The following SLC15A5 variants were observed in gnomAD, a reference collection of about 807,000 sequenced individuals.
SLC15A5 encodes the protein Peptide/histidine transporter ENSP00000340402.
A neutral mutation model predicts 56.1 loss-of-function variants in SLC15A5; 58 were observed. The ratio of observed to expected loss-of-function variants is 1.03; its 90% CI spans 0.84 to 1.29. The LOEUF is 1.29. Ranked by LOEUF, SLC15A5 falls within the 50% of genes most tolerant of loss-of-function variation. The probability of loss-of-function intolerance (pLI) is 0.00; values close to 1 mark genes in which losing one functional copy is unlikely to be tolerated. For missense variants in SLC15A5, 681 were observed against 672.1 expected (o/e 1.01, Z -0.15); for synonymous variants, 264 against 250.5 (o/e 1.05, Z -0.51).
At chr12:16,257,634 A>T in intron 3 of SLC15A5, 67 bp downstream of exon 3, 1 of 1,213,108 alleles carries the variant, frequency 8.2e-7, no homozygotes, top group Non-Finnish European at 1.1e-6. Flanking sequence ...AAAGAATCAA[A>T]GAGAAAGGAT....
intron 7 of SLC15A5, among the ~76,000 whole-genome samples, chr12:16,214,821 G>C (rs1378920082): frequency 6.6e-6 from 1 of 152,066 alleles, no homozygotes; most frequent in Non-Finnish European, 1.5e-5. Context: ...ATACCTGAGG[G>C]AGTCTGTGGG....
At chr12:16,264,476 G>A (rs1374377664) in intron 2 of SLC15A5, among the ~76,000 whole-genome samples, 2 of 152,190 alleles carry the variant, frequency 1.3e-5, no homozygotes, top group South Asian at 2.1e-4. Flanking sequence ...TTGGACTGTG[G>A]ACTTTTGAGT....
At chr12:16,268,605 CTCTT>C (rs1435262999) in intron 2 of SLC15A5, among the ~76,000 whole-genome samples, 5 of 152,006 alleles carry the variant, frequency 3.3e-5, no homozygotes, top group Non-Finnish European at 7.4e-5. Context: ...TTTTTTCTCT[CTCTT>C]TTCAGAATTA....
chr12:16,269,033 C>T lies in SLC15A5; in HGVS notation c.584+3528G>A, dbSNP rs1464120723. On this transcript the variant is annotated intron_variant, in intron 2 of 8. Transcript: ENST00000344941. This position sits in a 1 kb window ranked among gnomAD's most constrained non-coding sequence, Gnocchi z 4.7. ...CTTTGCCCCTTCCACTATGTGAAGA[C>T]ACAGTGAGAAGCCAGCAGTCTTACA... Among the ~76,000 whole-genome samples, 1 of 151,542 alleles carries T rather than the reference C, an allele frequency of 6.6e-6. No individual in the cohort carries two copies. Among genetic ancestry groups the T allele is most frequent in the Non-Finnish European group, 1.5e-5 (1 of 67,936 alleles).
rs766458422 is a variant in SLC15A5, at chr12:16,193,780, G to GGA, written c.1592+563_1592+564dup. The stretch of plus-strand genomic sequence containing the variant: ...ACAGCTGTCCAAGAATATGTCAAGG[G>GGA]GAGAGAGAGAGAGAGAGAGAGAGAG... On this transcript the variant is annotated intron_variant, in intron 8 of 8. Transcript: ENST00000344941. 8.7e-4 allele frequency among the ~76,000 whole-genome samples: 66 copies of GGA among 75,732 alleles called. 7 individuals carry two copies. The highest frequency in any genetic ancestry group is 1.1e-3 in the Non-Finnish European group (42 of 37,918). The allele number at this position is 75,732 out of a possible 152,430, so 49.7% of individuals were successfully genotyped here.
At chr12:16,248,210 C>A (rs531216604) in intron 3 of SLC15A5, among the ~76,000 whole-genome samples, 1 of 151,970 alleles carries the variant, frequency 6.6e-6, no homozygotes, top group African/African-American at 2.4e-5. Flanking sequence ...AGATGATAAC[C>A]AAGTCAATAT....
chr12:16,256,137 C>G (rs1327514973), intron 3 of SLC15A5, among the ~76,000 whole-genome samples: 2 of 152,096 alleles, frequency 1.3e-5, no homozygotes, highest in Non-Finnish European at 2.9e-5. Flanking sequence ...TGTTGAAATT[C>G]AACTCAATAA....
At position 16,257,881 on chromosome 12, in the gene SLC15A5, C is replaced by CA; in HGVS notation, c.585-12dup. ...ATGAGCCAATAAAACCTGGGGTATA[C>CA]AGACAGACAAAAATAAAAATACCAT... On this transcript the variant is annotated splice_polypyrimidine_tract_variant and intron_variant, in intron 2 of 8. Transcript: ENST00000344941. 7.1e-7 allele frequency: 1 copy of CA among 1,407,856 alleles called. No homozygotes were observed. The highest frequency in any genetic ancestry group is 2.8e-5 in the East Asian group (1 of 36,236). The allele number at this position is 1,407,856 out of a possible 1,614,324, so 87.2% of individuals were successfully genotyped here. A position where few individuals can be genotyped will look rare whatever the true frequency, so the allele number is the denominator to read the frequency against.
chr12:16,243,046 A>T lies in SLC15A5; in HGVS notation c.975+1534T>A, dbSNP rs1591653185. Among the ~76,000 whole-genome samples the T allele has an allele frequency of 6.6e-6, 1 of 152,188 alleles. No homozygotes were observed. The highest frequency in any genetic ancestry group is 1.5e-5 in the Non-Finnish European group (1 of 68,032). ...CAAGAAATTTTCTGTAAAGGGCCAGATAGTAAATATGTCCACATATGGGTT... is the reference window on the plus strand; with the variant it reads ...CAAGAAATTTTCTGTAAAGGGCCAGTTAGTAAATATGTCCACATATGGGTT... On this transcript the variant is annotated intron_variant, in intron 4 of 8. Transcript: ENST00000344941. This position sits in a 1 kb window ranked among gnomAD's most constrained non-coding sequence, Gnocchi z 4.4.
At chr12:16,256,315 T>C (rs1864571276) in intron 3 of SLC15A5, among the ~76,000 whole-genome samples, 1 of 152,146 alleles carries the variant, frequency 6.6e-6, no homozygotes, top group Non-Finnish European at 1.5e-5. Context: ...CAATCCTCAA[T>C]AAAATATTGG....
chr12:16,263,844 G>A (rs1407415839), intron 2 of SLC15A5, among the ~76,000 whole-genome samples: 1 of 152,206 alleles, frequency 6.6e-6, no homozygotes, highest in African/African-American at 2.4e-5. Context: ...TGGGTGCACA[G>A]AGGTCAAGAA....
chr12:16,206,972 T>A (rs1864025717), intron 7 of SLC15A5, among the ~76,000 whole-genome samples: 2 of 152,198 alleles, frequency 1.3e-5, no homozygotes, highest in Admixed American at 1.3e-4. Flanking sequence ...GTTCTCATGA[T>A]GATTTCAATG....
Position 16,272,743 on chromosome 12 carries a change from A to G in SLC15A5, c.402T>C (p.Asp134=). Reference sequence around the variant, plus strand: ...CTGCATGGTAAGTGCCCAGATAGAAATCTTCCAAGGGAAAAGCCACCACAG... The same window carrying G: ...CTGCATGGTAAGTGCCCAGATAGAAGTCTTCCAAGGGAAAAGCCACCACAG... ...LLSVVAFPLE[D]FYLGTYHAVN... is the part of the protein sequence containing the mutation. Residue 134 remains aspartate (D), a synonymous_variant, in exon 2 of 9, where the codon GAT becomes GAC. Transcript: ENST00000344941. The G allele has an allele frequency of 2.6e-6, 4 of 1,537,226 alleles. No homozygotes were observed. In the South Asian group the frequency reaches 3.6e-5, roughly 14 times the overall value.
chr12:16,255,287 A>G (rs976587945), intron 3 of SLC15A5, among the ~76,000 whole-genome samples: 1 of 152,136 alleles, frequency 6.6e-6, no homozygotes, highest in Non-Finnish European at 1.5e-5. Flanking sequence ...AACTAGAAAC[A>G]TGAACAGGTA....
chr12:16,212,771 A>C (rs1864095800), intron 7 of SLC15A5, among the ~76,000 whole-genome samples: 1 of 152,128 alleles, frequency 6.6e-6, no homozygotes, highest in Non-Finnish European at 1.5e-5. Context: ...AGATGACACA[A>C]AGCAAGTAAA....
intron 2 of SLC15A5, among the ~76,000 whole-genome samples, chr12:16,265,163 A>G (rs1864681512): frequency 6.6e-6 from 1 of 152,176 alleles, no homozygotes; most frequent in Non-Finnish European, 1.5e-5. Flanking sequence ...GCGGCAAGGT[A>G]GGGAGAAAAT....
At chr12:16,189,860 T>TCCTTAGGACCA (rs1158839549) in intron 8 of SLC15A5, 45 bp from the exon 9 acceptor site, 22 of 1,350,798 alleles carry the variant, frequency 1.6e-5, no homozygotes, top group Non-Finnish European at 2.0e-5. Flanking sequence ...CAGATGTAGA[T>TCCTTAGGACCA]GAATTGATAA....
At chr12:16,234,907 T>C (rs986449498) in intron 5 of SLC15A5, among the ~76,000 whole-genome samples, 5 of 152,130 alleles carry the variant, frequency 3.3e-5, no homozygotes, top group African/African-American at 1.2e-4. Flanking sequence ...CTGAGAAAAC[T>C]ATGGGTTTCT....
intron 2 of SLC15A5, among the ~76,000 whole-genome samples, chr12:16,268,443 T>C (rs77623626): frequency 6.6e-6 from 1 of 152,212 alleles, no homozygotes; most frequent in Non-Finnish European, 1.5e-5. Flanking sequence ...GATTTTTTCA[T>C]AGCTATTTAC....
Sources: allele counts gnomAD v4.1 joint callset (sites outside exome capture counted in the v4.1 genomes callset), GRCh38; gene constraint gnomAD v4.1.1; non-coding constraint Gnocchi (gnomAD v3.1); transcripts MANE v1.5; gene names NCBI Gene and HGNC (gene_info 2026-07-23, HGNC 2026-07-21).